TMEM117: variants seen among roughly 807,000 people sequenced by gnomAD.
TMEM117 encodes transmembrane protein 117.
Under a neutral mutation model 52.4 loss-of-function variants are expected in TMEM117, and 27 were observed. That is an observed-to-expected ratio of 0.51 (90% CI 0.38 to 0.71). The LOEUF is 0.71. Ranked by LOEUF, TMEM117 falls within the 30% of genes least tolerant of loss-of-function variation. TMEM117 has a pLI of 0.00. For synonymous variants in TMEM117, 215 were observed against 206.3 expected (o/e 1.04, Z -0.36); for missense variants, 556 against 630.5 (o/e 0.88, Z 1.26).
At chr12:43,949,278 A>G (rs1204046657) in intron 3 of TMEM117, among the ~76,000 whole-genome samples, 1 of 152,174 alleles carries the variant, frequency 6.6e-6, no homozygotes, top group East Asian at 1.9e-4. Context: ...AACTTGAGAG[A>G]TCCAAGTGCC....
At chr12:43,977,476 A>G (rs1352232322) in intron 3 of TMEM117, among the ~76,000 whole-genome samples, 1 of 152,180 alleles carries the variant, frequency 6.6e-6, no homozygotes, top group Non-Finnish European at 1.5e-5. Flanking sequence ...TTGGACCACT[A>G]CATACATTAC....
At chr12:43,980,021 G>T (rs1945735124) in intron 3 of TMEM117, among the ~76,000 whole-genome samples, 1 of 152,272 alleles carries the variant, frequency 6.6e-6, no homozygotes, top group African/African-American at 2.4e-5. Context: ...AGAACTGATT[G>T]CCTTGTTGAT....
intron 3 of TMEM117, among the ~76,000 whole-genome samples, chr12:44,098,793 C>CTT (rs1947815919): frequency 6.6e-6 from 1 of 152,110 alleles, no homozygotes; most frequent in Admixed American, 6.6e-5. Context: ...AGGAATAGGT[C>CTT]TTAGTCTCTC....
At chr12:44,390,642 A>C (rs1411930112), downstream of TMEM117, among the ~76,000 whole-genome samples, 2 of 152,094 alleles carry the variant, frequency 1.3e-5, no homozygotes, top group Non-Finnish European at 2.9e-5. Context: ...TATTAAAAAA[A>C]TGAAAATATA....
At chr12:43,890,276 A>G (rs1234962124) in intron 2 of TMEM117, among the ~76,000 whole-genome samples, 4 of 152,212 alleles carry the variant, frequency 2.6e-5, no homozygotes, top group Non-Finnish European at 5.9e-5. Context: ...AATGTTAACA[A>G]TTCTTTTTGC....
intron 5 of TMEM117, among the ~76,000 whole-genome samples, chr12:44,211,875 A>T (rs1483722722): frequency 6.6e-6 from 1 of 152,160 alleles, no homozygotes; most frequent in East Asian, 1.9e-4. Flanking sequence ...TCCATGTCTT[A>T]TGGAACTTTG....
intron 3 of TMEM117, among the ~76,000 whole-genome samples, chr12:44,001,093 A>C (rs2137777964): frequency 6.6e-6 from 1 of 152,334 alleles, no homozygotes; most frequent in African/African-American, 2.4e-5. Flanking sequence ...TCCCGGAGAC[A>C]TCAGGAAAAT....
intron 4 of TMEM117, among the ~76,000 whole-genome samples, chr12:44,152,674 T>A (rs1032099956): frequency 1.1e-3 from 151 of 133,502 alleles, no homozygotes; most frequent in African/African-American, 2.7e-3. Flanking sequence ...TATATAATTT[T>A]TATATATATA....
chr12:44,392,030 T>C (rs77069029), downstream of TMEM117, among the ~76,000 whole-genome samples: 2,260 of 152,244 alleles, frequency 0.015, 60 homozygotes, highest in African/African-American at 0.052. Flanking sequence ...ACTTTCCTCA[T>C]TTATCCCCAT....
intron 2 of TMEM117, among the ~76,000 whole-genome samples, chr12:43,881,622 T>C (rs1313062065): frequency 6.6e-6 from 1 of 151,644 alleles, no homozygotes; most frequent in Non-Finnish European, 1.5e-5. Flanking sequence ...AAACCCCATC[T>C]CTACTAAATC....
At chr12:44,001,502 C>G (rs1430104925) in intron 3 of TMEM117, among the ~76,000 whole-genome samples, 2 of 152,136 alleles carry the variant, frequency 1.3e-5, no homozygotes, top group African/African-American at 4.8e-5. Context: ...TAATCAAATT[C>G]TGGATTCCAG....
At position 44,299,679 on chromosome 12, in the gene TMEM117, A is replaced by C; in HGVS notation, c.708A>C (p.Glu236Asp). ...KLNRGFLPSD[E>D]VSRAFLASFI... ...ATCGGGGATTTTTGCCCAGTGATGAAGTTTCCAGAGCATTCCTTGCTTCTT... is the reference window on the plus strand; with the variant it reads ...ATCGGGGATTTTTGCCCAGTGATGACGTTTCCAGAGCATTCCTTGCTTCTT... Residue 236 changes from glutamate to aspartate, a missense_variant, in exon 6 of 8, where the codon GAA becomes GAC. By Grantham distance (45) the Glu-to-Asp change is conservative. This residue lies in a region of TMEM117 where 328 missense variants were observed against 371.4 expected (regional missense o/e 0.88). Coordinates refer to ENST00000266534, the MANE Select transcript of TMEM117 (RefSeq NM_032256.3). 6.2e-7 allele frequency: 1 copy of C among 1,614,162 alleles called. No homozygotes were observed. The highest frequency in any genetic ancestry group is 8.5e-7 in the Non-Finnish European group (1 of 1,180,016).
chr12:44,180,364 TTA>T (rs1949176246), intron 4 of TMEM117, among the ~76,000 whole-genome samples: 1 of 152,010 alleles, frequency 6.6e-6, no homozygotes, highest in African/African-American at 2.4e-5. Context: ...TTTTTTTTTT[TTA>T]TTATACTTTA....
At chr12:44,345,387 A>G (rs189562481) in intron 6 of TMEM117, among the ~76,000 whole-genome samples, 3 of 152,206 alleles carry the variant, frequency 2.0e-5, no homozygotes, top group African/African-American at 7.2e-5. Context: ...CACAGATTCA[A>G]TTTCTAGAAT....
At chr12:44,160,505 A>T (rs1195555867) in intron 4 of TMEM117, among the ~76,000 whole-genome samples, 1 of 152,210 alleles carries the variant, frequency 6.6e-6, no homozygotes, top group Non-Finnish European at 1.5e-5. Context: ...GGATTTCCTT[A>T]TACAGTTTAA....
chr12:44,063,204 G>A (rs762531132), intron 3 of TMEM117, among the ~76,000 whole-genome samples: 53 of 152,192 alleles, frequency 3.5e-4, no homozygotes, highest in East Asian at 3.9e-4. Context: ...CTGTATATGC[G>A]TATTTCTTCA....
intron 6 of TMEM117, among the ~76,000 whole-genome samples, chr12:44,316,290 T>C (rs1020571457): frequency 6.6e-6 from 1 of 152,186 alleles, no homozygotes; most frequent in Non-Finnish European, 1.5e-5. Context: ...TAGCGTTTTT[T>C]TATTGTTGGG....
intron 3 of TMEM117, among the ~76,000 whole-genome samples, chr12:43,974,001 A>G (rs1485687798): frequency 6.6e-6 from 1 of 152,198 alleles, no homozygotes; most frequent in Non-Finnish European, 1.5e-5. Flanking sequence ...CTTTTGGATT[A>G]TACCAGAATT....
At chr12:43,887,153 C>A (rs961113595) in intron 2 of TMEM117, among the ~76,000 whole-genome samples, 1 of 152,208 alleles carries the variant, frequency 6.6e-6, no homozygotes, top group Non-Finnish European at 1.5e-5. Context: ...CTGGCCTGGG[C>A]CTCACTTATT....
Sources: allele counts gnomAD v4.1 joint callset (sites outside exome capture counted in the v4.1 genomes callset), GRCh38; gene constraint gnomAD v4.1.1; regional missense constraint gnomAD v4.1.1; transcripts MANE v1.5; gene names NCBI Gene and HGNC (gene_info 2026-07-23, HGNC 2026-07-21).